Variants in GRIK1 observed in about 807,000 individuals in gnomAD.
The protein encoded by GRIK1 is glutamate ionotropic receptor kainate type subunit 1.
A neutral mutation model predicts 105.7 loss-of-function variants in GRIK1; 69 were observed. The ratio of observed to expected loss-of-function variants is 0.65; its 90% CI spans 0.54 to 0.80. The LOEUF (loss-of-function observed/expected upper bound fraction) is 0.80. Ranked by LOEUF, GRIK1 falls within the 30% of genes least tolerant of loss-of-function variation. The probability of loss-of-function intolerance (pLI) is 0.00; values close to 1 mark genes in which losing one functional copy is unlikely to be tolerated. For synonymous variants in GRIK1, 438 were observed against 431.3 expected (o/e 1.02, Z -0.19); for missense variants, 1,109 against 1,167.3 (o/e 0.95, Z 0.73).
chr21:29,832,518 C>T (rs569063340), intron 1 of GRIK1, among the ~76,000 whole-genome samples: 3 of 152,322 alleles, frequency 2.0e-5, no homozygotes, highest in African/African-American at 7.2e-5. Context: ...CTCTTGCCCT[C>T]TGCACAGCCA....
At chr21:29,819,680 C>T (rs866823302) in intron 1 of GRIK1, among the ~76,000 whole-genome samples, 3 of 148,406 alleles carry the variant, frequency 2.0e-5, no homozygotes, top group Admixed American at 6.7e-5. Flanking sequence ...AATTCCTCCT[C>T]CCCCAGAGAA....
intron 16 of GRIK1, 93 bp downstream of exon 16, chr21:29,554,959 G>T: frequency 9.4e-7 from 1 of 1,065,092 alleles, no homozygotes; most frequent in Non-Finnish European, 1.4e-6. Context: ...TAATTCAATA[G>T]ACTGAAAAAG....
chr21:29,666,126 AG>A (rs2063054513), intron 4 of GRIK1, among the ~76,000 whole-genome samples: 1 of 152,202 alleles, frequency 6.6e-6, no homozygotes, highest in Non-Finnish European at 1.5e-5. Flanking sequence ...TAAATAAGCC[AG>A]GCTTGGTGGC....
chr21:29,658,560 C>T (rs1156833044), intron 4 of GRIK1, among the ~76,000 whole-genome samples: 1 of 152,222 alleles, frequency 6.6e-6, no homozygotes, highest in Non-Finnish European at 1.5e-5. Context: ...CTGCACCTGG[C>T]CAAGTCTCAT....
In GRIK1 at chr21:29,856,666, G is replaced by A. The variant is rs7276677; in HGVS notation, c.118+82717C>T. Among the ~76,000 whole-genome samples the A allele has an allele frequency of 8.5e-3, 1,298 of 152,258 alleles. 21 individuals are homozygous for A. The highest frequency in any genetic ancestry group is 0.03 in the African/African-American group (1,250 of 41,540). ...TTCTTGCTCTTCTGGGGCTTACATTGCAGTGAATAAAGTTAGACAATCATC... is the reference window on the plus strand; with the variant it reads ...TTCTTGCTCTTCTGGGGCTTACATTACAGTGAATAAAGTTAGACAATCATC... On this transcript the variant is annotated intron_variant, in intron 1 of 17. Coordinates refer to ENST00000327783, the MANE Select transcript of GRIK1 (RefSeq NM_001330994.2).
rs188949384 is a variant in GRIK1 at position 29,681,427 on chromosome 21, G to C, written c.545-8263C>G. Among the ~76,000 whole-genome samples, 12 of 152,146 alleles carry C rather than the reference G, an allele frequency of 7.9e-5. No homozygotes were observed. The East Asian group carries it at 2.3e-3, about 29-fold the overall frequency. On this transcript the variant is annotated intron_variant, in intron 3 of 17. Coordinates refer to ENST00000327783, the MANE Select transcript of GRIK1 (RefSeq NM_001330994.2). ...CCTCTTACTCTGATCCATCCACCCT[G>C]GCCTCCTTGCTGTTGCTCTGAGGTA... is the stretch of plus-strand genomic sequence containing the variant.
At position 29,569,723 on chromosome 21, in the gene GRIK1, G is replaced by A. The variant is rs141869764; in HGVS notation, c.2130+7241C>T. 3.3e-5 allele frequency among the ~76,000 whole-genome samples: 5 copies of A among 152,226 alleles called. No individual in the cohort carries two copies. The East Asian group carries it at 5.8e-4, about 18-fold the overall frequency. On this transcript the variant is annotated intron_variant, in intron 14 of 17. Transcript: ENST00000327783. ...CTTTCTTCATCTGGGGAAAAAAAAT[G>A]TGACTTTCTACACTATCACTGTGAG...
At chr21:29,896,875 C>T (rs957013229) in intron 1 of GRIK1, among the ~76,000 whole-genome samples, 9 of 152,142 alleles carry the variant, frequency 5.9e-5, no homozygotes, top group African/African-American at 2.2e-4. Context: ...AGCAACCCCA[C>T]CTCACCCCAT....
intron 11 of GRIK1, 79 bp from the exon 12 acceptor site, chr21:29,587,668 T>G: frequency 1.3e-6 from 1 of 750,472 alleles, no homozygotes; most frequent in Non-Finnish European, 2.2e-6. Context: ...TACTCCTGAT[T>G]CTTATTCTCA....
intron 7 of GRIK1, among the ~76,000 whole-genome samples, chr21:29,620,130 A>G (rs1354821871): frequency 2.0e-5 from 3 of 152,250 alleles, no homozygotes; most frequent in African/African-American, 7.2e-5. Flanking sequence ...CTATGATGTT[A>G]AGAAGTTATT....
chr21:29,663,551 T>A (rs2063006779), intron 4 of GRIK1, among the ~76,000 whole-genome samples: 1 of 152,240 alleles, frequency 6.6e-6, no homozygotes, highest in Admixed American at 6.5e-5. Context: ...GCTTTTCTTG[T>A]GATTTTGAAT....
chr21:29,590,397 C>T (rs561893741), intron 10 of GRIK1, among the ~76,000 whole-genome samples: 4 of 152,238 alleles, frequency 2.6e-5, no homozygotes, highest in Non-Finnish European at 2.9e-5. Context: ...AAGGAAAAAG[C>T]GGAAAATAAG....
At chr21:29,865,008 G>A (rs1243373237) in intron 1 of GRIK1, among the ~76,000 whole-genome samples, 2 of 152,168 alleles carry the variant, frequency 1.3e-5, no homozygotes, top group African/African-American at 4.8e-5. Context: ...GCATTATCCA[G>A]CTCTGAATAT....
At chr21:29,860,014 T>C (rs1219202442) in intron 1 of GRIK1, among the ~76,000 whole-genome samples, 5 of 152,228 alleles carry the variant, frequency 3.3e-5, no homozygotes, top group Non-Finnish European at 7.3e-5. Context: ...TATATATTGC[T>C]CTTCATTTAC....
At chr21:29,737,099 T>C (rs1025710908) in intron 1 of GRIK1, among the ~76,000 whole-genome samples, 4 of 152,216 alleles carry the variant, frequency 2.6e-5, no homozygotes, top group Non-Finnish European at 5.9e-5. Flanking sequence ...TTACCCACAA[T>C]ATGAAAGTCA....
intron 1 of GRIK1, among the ~76,000 whole-genome samples, chr21:29,717,990 CT>C (rs1281023870): frequency 1.3e-5 from 2 of 152,046 alleles, no homozygotes; most frequent in Admixed American, 1.3e-4. Flanking sequence ...TGAGTGAGTT[CT>C]CACAAGATCT....
chr21:29,695,557 C>T (rs1356825108), intron 1 of GRIK1, among the ~76,000 whole-genome samples: 2 of 151,996 alleles, frequency 1.3e-5, no homozygotes, highest in Non-Finnish European at 2.9e-5. Flanking sequence ...TCATTGCAAC[C>T]TCCGCCTCCC....
intron 1 of GRIK1, among the ~76,000 whole-genome samples, chr21:29,724,413 T>C (rs2064401790): frequency 6.6e-6 from 1 of 152,222 alleles, no homozygotes; most frequent in Non-Finnish European, 1.5e-5. Context: ...GGGCTGTTCC[T>C]ATATTTGGAA....
At chr21:29,882,130 A>G (rs1437666916) in intron 1 of GRIK1, among the ~76,000 whole-genome samples, 1 of 152,096 alleles carries the variant, frequency 6.6e-6, no homozygotes, top group Non-Finnish European at 1.5e-5. Context: ...ATGACATCAA[A>G]AAAAGGCCAT....
Sources: allele counts gnomAD v4.1 joint callset (sites outside exome capture counted in the v4.1 genomes callset), GRCh38; gene constraint gnomAD v4.1.1; transcripts MANE v1.5; gene names NCBI Gene and HGNC (gene_info 2026-07-23, HGNC 2026-07-21).